Variants in KIF26B observed in about 807,000 individuals in gnomAD.
KIF26B encodes the protein kinesin-like protein KIF26B.
KIF26B carries 63 observed loss-of-function variants against 151.2 expected under a neutral mutation model. That is an observed-to-expected ratio of 0.42 (90% CI 0.34 to 0.51). The LOEUF (loss-of-function observed/expected upper bound fraction) is 0.51, where lower values mean the gene tolerates loss of function less well. Among genes scored for constraint, KIF26B ranks in the 20% least tolerant of loss-of-function variants. The probability of loss-of-function intolerance (pLI) is 0.07; values close to 1 mark genes in which losing one functional copy is unlikely to be tolerated. For missense variants in KIF26B, 2,813 were observed against 2,913.6 expected, an observed-to-expected ratio of 0.97 and a Z score of 0.79; for synonymous variants, 1,357 against 1,262.1, an observed-to-expected ratio of 1.08 and a Z score of -1.59.
In KIF26B at chr1:245,294,883, G is replaced by A. The variant is rs528359260; in HGVS notation, c.466-71951G>A. Among the ~76,000 whole-genome samples, 19 of 152,196 alleles carry A rather than the reference G, an allele frequency of 1.2e-4. No homozygotes were observed. The South Asian group carries it at 3.3e-3, about 27-fold the overall frequency. ...TCACGATGTTGGCCAGGCTGGTCTC[G>A]AACTCCTGATCTCAAGTGATCCACC... On this transcript the variant is annotated intron_variant, in intron 2 of 14. Coordinates refer to ENST00000407071, the MANE Select transcript of KIF26B (RefSeq NM_018012.4).
intron 10 of KIF26B, among the ~76,000 whole-genome samples, chr1:245,658,398 T>G (rs1558255342): frequency 6.6e-6 from 1 of 152,160 alleles, no homozygotes; most frequent in Non-Finnish European, 1.5e-5. Flanking sequence ...AATTACATTG[T>G]GAGTTTTCTT....
intron 4 of KIF26B, among the ~76,000 whole-genome samples, chr1:245,482,793 G>C (rs142013920): frequency 6.6e-6 from 1 of 151,698 alleles, no homozygotes; most frequent in African/African-American, 2.4e-5. Flanking sequence ...AGGCAAATGC[G>C]TTCCCTAAGG....
chr1:245,184,050 G>GGTTTTTTTTT (rs1668953825), intron 2 of KIF26B, among the ~76,000 whole-genome samples: 1 of 19,804 alleles, frequency 5.0e-5, no homozygotes, highest in East Asian at 1.7e-3. Flanking sequence ...GGGAGTTGTT[G>GGTTTTTTTTT]TTTTTTTTTT....
At chr1:245,369,359 A>G (rs1673050692) in intron 3 of KIF26B, among the ~76,000 whole-genome samples, 1 of 152,196 alleles carries the variant, frequency 6.6e-6, no homozygotes, top group Non-Finnish European at 1.5e-5. Context: ...ACGTGGAGTG[A>G]GTTAAATGTG....
At chr1:245,504,830 A>G (rs6428926) in intron 4 of KIF26B, among the ~76,000 whole-genome samples, 37,666 of 152,170 alleles carry the variant, frequency 0.25, 4,978 homozygotes, top group Middle Eastern at 0.38. Flanking sequence ...AGGGAGCAAG[A>G]CTACAAAAGA....
chr1:245,243,447 T>TATACAC (rs377510134), intron 2 of KIF26B, among the ~76,000 whole-genome samples: 2 of 147,262 alleles, frequency 1.4e-5, no homozygotes, highest in African/African-American at 5.1e-5. Flanking sequence ...TATATATATA[T>TATACAC]ACACACACAC....
intron 2 of KIF26B, among the ~76,000 whole-genome samples, chr1:245,172,023 G>T (rs1324854136): frequency 1.3e-5 from 2 of 152,180 alleles, no homozygotes; most frequent in Non-Finnish European, 2.9e-5. Flanking sequence ...TGACTCCAGG[G>T]TTCATTCCAT....
chr1:245,307,795 C>T (rs1251476994), intron 2 of KIF26B, among the ~76,000 whole-genome samples: 2 of 149,110 alleles, frequency 1.3e-5, no homozygotes, highest in African/African-American at 5.0e-5. Context: ...GGCTGGAGTG[C>T]GGTGGCGCGA....
At chr1:245,538,605 G>A (rs1030861390) in intron 4 of KIF26B, among the ~76,000 whole-genome samples, 1 of 152,120 alleles carries the variant, frequency 6.6e-6, no homozygotes. Flanking sequence ...CTGCCTTTCA[G>A]TATCACTCCC....
intron 4 of KIF26B, 51 bp downstream of exon 4, chr1:245,419,796 A>T (rs927360967): frequency 6.6e-7 from 1 of 1,524,670 alleles, no homozygotes; most frequent in African/African-American, 1.4e-5. Flanking sequence ...CCAGCTGGTT[A>T]GCCCCTCACG....
intron 3 of KIF26B, among the ~76,000 whole-genome samples, chr1:245,385,456 T>A (rs895368085): frequency 6.6e-6 from 1 of 152,244 alleles, no homozygotes; most frequent in Admixed American, 6.5e-5. Flanking sequence ...AAACACATCA[T>A]GCTTAGAACC....
chr1:245,664,920 C>T (rs180726423), intron 10 of KIF26B, among the ~76,000 whole-genome samples: 61 of 152,250 alleles, frequency 4.0e-4, no homozygotes, highest in Non-Finnish European at 7.4e-4. Context: ...ACACATCAAA[C>T]CATCTGTTTT....
intron 2 of KIF26B, among the ~76,000 whole-genome samples, chr1:245,303,408 C>T (rs1013548330): frequency 1.3e-5 from 2 of 150,686 alleles, no homozygotes; most frequent in Non-Finnish European, 2.9e-5. Context: ...CCGTGTTAGC[C>T]AGGATGGTCT....
At chr1:245,300,940 C>T (rs1671419224) in intron 2 of KIF26B, among the ~76,000 whole-genome samples, 1 of 151,904 alleles carries the variant, frequency 6.6e-6, no homozygotes, top group African/African-American at 2.4e-5. Flanking sequence ...AAGCGATTCT[C>T]CTGCCTCAGC....
At chr1:245,243,524 C>T (rs922261153) in intron 2 of KIF26B, among the ~76,000 whole-genome samples, 7 of 151,690 alleles carry the variant, frequency 4.6e-5, no homozygotes, top group African/African-American at 1.5e-4. Context: ...ATGTGCATAA[C>T]GTGTTTCTCC....
intron 2 of KIF26B, among the ~76,000 whole-genome samples, chr1:245,330,950 A>G (rs1672096890): frequency 6.6e-6 from 1 of 151,890 alleles, no homozygotes; most frequent in African/African-American, 2.4e-5. Flanking sequence ...GCAGAGAGAG[A>G]GCCCACGTAG....
intron 5 of KIF26B, among the ~76,000 whole-genome samples, chr1:245,542,140 G>A (rs1325721616): frequency 6.6e-6 from 1 of 152,170 alleles, no homozygotes; most frequent in Non-Finnish European, 1.5e-5. Context: ...AGCACTTGAG[G>A]CTAGGAGTTC....
Position 245,167,685 on chromosome 1 carries a change from C to A in KIF26B, c.465+11002C>A, listed in dbSNP as rs975067260. On this transcript the variant is annotated intron_variant, in intron 2 of 14. Coordinates refer to ENST00000407071, the MANE Select transcript of KIF26B (RefSeq NM_018012.4). This position sits in a 1 kb window ranked among gnomAD's most constrained non-coding sequence, Gnocchi z 4.2. ...TTGTTTAAAAAAAAAAATCACCTGC[C>A]CAGTTCAGTTGTGTAACTTTGCACA... 6.6e-6 allele frequency among the ~76,000 whole-genome samples: 1 copy of A among 152,116 alleles called. No individual in the cohort carries two copies. The highest frequency in any genetic ancestry group is 1.5e-5 in the Non-Finnish European group (1 of 68,046).
In KIF26B at chr1:245,560,779, G is replaced by T. The variant is rs2042939472; in HGVS notation, c.1350+19829G>T. On this transcript the variant is annotated intron_variant, in intron 5 of 14. Transcript: ENST00000407071. This position sits in a 1 kb window ranked among gnomAD's most constrained non-coding sequence, Gnocchi z 4.3. The stretch of plus-strand genomic sequence containing the variant: ...CACTGAAGACTCCCCTCCGCTCCTC[G>T]CACTCTCATCACTGCCCCTCACTCT... Among the ~76,000 whole-genome samples the T allele has an allele frequency of 6.6e-6, 1 of 152,108 alleles. No individual in the cohort carries two copies. Among genetic ancestry groups the T allele is most frequent in the Non-Finnish European group, 1.5e-5 (1 of 68,012 alleles).
Sources: allele counts gnomAD v4.1 joint callset (sites outside exome capture counted in the v4.1 genomes callset), GRCh38; gene constraint gnomAD v4.1.1; non-coding constraint Gnocchi (gnomAD v3.1); transcripts MANE v1.5; gene names NCBI Gene and HGNC (gene_info 2026-07-23, HGNC 2026-07-21).